CCDC178: variants seen among roughly 807,000 people sequenced by gnomAD.
CCDC178 encodes coiled-coil domain containing 178.
A neutral mutation model predicts 117.4 loss-of-function variants in CCDC178; 126 were observed. The observed-to-expected ratio is 1.07, with a 90% CI of 0.93 to 1.24. The LOEUF (loss-of-function observed/expected upper bound fraction) is 1.24. Among genes scored for constraint, CCDC178 ranks in the 50% most tolerant of loss-of-function variants. The pLI, the probability that CCDC178 is intolerant of heterozygous loss-of-function variation, is 0.00. For synonymous variants in CCDC178, 283 were observed against 313.4 expected (o/e 0.90, Z 1.02); for missense variants, 1,030 against 986.9 (o/e 1.04, Z -0.59).
intron 21 of CCDC178, among the ~76,000 whole-genome samples, chr18:32,992,175 T>C (rs562856760): frequency 6.6e-6 from 1 of 152,226 alleles, no homozygotes; most frequent in Non-Finnish European, 1.5e-5. Flanking sequence ...TCCTTTTCAT[T>C]TTCTGTAAAT....
intron 20 of CCDC178, among the ~76,000 whole-genome samples, chr18:33,122,591 T>C (rs2057951990): frequency 6.6e-6 from 1 of 152,116 alleles, no homozygotes. Flanking sequence ...CATTCCCTAA[T>C]TATGTGAGAT....
intron 21 of CCDC178, among the ~76,000 whole-genome samples, chr18:33,034,007 C>G (rs1040701763): frequency 9.2e-5 from 14 of 151,844 alleles, no homozygotes. Context: ...CCAACCCACA[C>G]CTAAAACTCA....
intron 7 of CCDC178, among the ~76,000 whole-genome samples, chr18:33,354,471 G>A (rs997672465): frequency 6.6e-6 from 1 of 151,528 alleles, no homozygotes; most frequent in Non-Finnish European, 1.5e-5. Context: ...TTATTCTCTT[G>A]TCTTTCTTGT....
intron 12 of CCDC178, among the ~76,000 whole-genome samples, chr18:33,280,846 C>T (rs1418482279): frequency 2.6e-5 from 4 of 152,032 alleles, no homozygotes; most frequent in African/African-American, 7.3e-5. Flanking sequence ...AGTAAACTAT[C>T]GCAAGGACAA....
intron 22 of CCDC178, among the ~76,000 whole-genome samples, chr18:32,949,587 T>A (rs1686703123): frequency 6.6e-6 from 1 of 152,128 alleles, no homozygotes; most frequent in African/African-American, 2.4e-5. Context: ...TTCAATTGGG[T>A]CCTTTTTATA....
At chr18:33,074,304 T>C (rs112559727) in intron 21 of CCDC178, among the ~76,000 whole-genome samples, 6 of 152,216 alleles carry the variant, frequency 3.9e-5, no homozygotes, top group African/African-American at 1.4e-4. Context: ...AAAGAAAACA[T>C]TACGTCATTC....
intron 12 of CCDC178, among the ~76,000 whole-genome samples, chr18:33,280,872 A>T (rs1315185179): frequency 2.6e-5 from 4 of 152,120 alleles, no homozygotes; most frequent in Non-Finnish European, 4.4e-5. Context: ...TAAACACCGC[A>T]TGTTCTCACT....
At chr18:33,244,288 G>A (rs1010537685) in intron 15 of CCDC178, among the ~76,000 whole-genome samples, 6 of 151,880 alleles carry the variant, frequency 4.0e-5, no homozygotes, top group Non-Finnish European at 8.8e-5. Flanking sequence ...CAGGAGACAC[G>A]TATGTGTGTA....
At chr18:33,140,681 G>A (rs925587734) in intron 20 of CCDC178, among the ~76,000 whole-genome samples, 1 of 152,144 alleles carries the variant, frequency 6.6e-6, no homozygotes, top group African/African-American at 2.4e-5. Context: ...CAGGCTTATA[G>A]AAGGAAGGGA....
At chr18:33,033,224 T>A (rs1271693733) in intron 21 of CCDC178, among the ~76,000 whole-genome samples, 1 of 152,100 alleles carries the variant, frequency 6.6e-6, no homozygotes, top group Non-Finnish European at 1.5e-5. Context: ...TTGAAAAAAA[T>A]TTAATTTAGT....
rs942075287 is a variant in CCDC178 at position 33,041,733 on chromosome 18, A to G, written c.2388+51028T>C. 2.6e-5 allele frequency among the ~76,000 whole-genome samples: 4 copies of G among 151,858 alleles called. No homozygotes were observed. In the South Asian group the frequency reaches 8.3e-4, roughly 31 times the overall value. On this transcript the variant is annotated intron_variant, in intron 21 of 22. Coordinates refer to ENST00000383096, the MANE Select transcript of CCDC178 (RefSeq NM_001105528.4). ...AAAATTTTAGACACATTCTTATAAA[A>G]TCAAGATAAGAAAACCAACAATATC...
intron 12 of CCDC178, 100 bp from the exon 13 acceptor site, chr18:33,267,397 G>C (rs2144769788): frequency 1.5e-6 from 1 of 662,516 alleles, no homozygotes; most frequent in Non-Finnish European, 2.4e-6. Context: ...ATTTGTTTCA[G>C]TTACATAAAA....
At chr18:33,228,725 G>A (rs767442134) in intron 15 of CCDC178, among the ~76,000 whole-genome samples, 2 of 152,190 alleles carry the variant, frequency 1.3e-5, no homozygotes, top group Non-Finnish European at 2.9e-5. Context: ...CACCAGGAGA[G>A]AAAGTATTTA....
intron 22 of CCDC178, among the ~76,000 whole-genome samples, chr18:32,970,006 T>A (rs1203671626): frequency 6.6e-6 from 1 of 152,082 alleles, no homozygotes; most frequent in Non-Finnish European, 1.5e-5. Flanking sequence ...TGCCATACAC[T>A]GTCAGAGTCA....
At chr18:33,097,520 G>C (rs2057560898) in intron 20 of CCDC178, among the ~76,000 whole-genome samples, 1 of 152,088 alleles carries the variant, frequency 6.6e-6, no homozygotes, top group Non-Finnish European at 1.5e-5. Flanking sequence ...CAAAGCAACT[G>C]AAATGCCAGA....
intron 20 of CCDC178, among the ~76,000 whole-genome samples, chr18:33,187,618 C>T (rs1165035732): frequency 2.0e-5 from 3 of 152,040 alleles, no homozygotes; most frequent in Non-Finnish European, 4.4e-5. Flanking sequence ...TTTGTATAAA[C>T]AAAAACTTGC....
intron 20 of CCDC178, among the ~76,000 whole-genome samples, chr18:33,125,132 G>A (rs889943514): frequency 2.6e-5 from 4 of 152,046 alleles, no homozygotes; most frequent in African/African-American, 9.7e-5. Flanking sequence ...AGGCTGGCAG[G>A]CTTCAATATC....
At chr18:32,995,731 C>T (rs1276708600) in intron 21 of CCDC178, among the ~76,000 whole-genome samples, 3 of 151,942 alleles carry the variant, frequency 2.0e-5, no homozygotes, top group African/African-American at 7.3e-5. Context: ...AAGCATGGTA[C>T]ATTACATAAT....
intron 20 of CCDC178, among the ~76,000 whole-genome samples, chr18:33,184,068 T>G (rs2058762151): frequency 6.6e-6 from 1 of 152,112 alleles, no homozygotes. Flanking sequence ...TATTCTCAGC[T>G]TAAGTTTGAA....
Sources: gnomAD v4.1 joint callset for allele counts (sites outside exome capture counted in the v4.1 genomes callset) on GRCh38, gnomAD v4.1.1 for gene constraint, MANE v1.5 for transcripts, NCBI Gene and HGNC (gene_info 2026-07-23, HGNC 2026-07-21) for gene names.